The following HSD17B12 variants were observed in gnomAD, a reference collection of about 807,000 sequenced individuals.
The protein encoded by HSD17B12 is hydroxysteroid 17-beta dehydrogenase 12.
HSD17B12 carries 32 observed loss-of-function variants against 39.3 expected under a neutral mutation model. The observed-to-expected ratio is 0.81, with a 90% CI of 0.61 to 1.09. HSD17B12 has a LOEUF of 1.09. HSD17B12 is among the 50% of genes least tolerant of loss of function. The pLI is 0.00. For synonymous variants in HSD17B12, 150 were observed against 146.7 expected, an observed-to-expected ratio of 1.02 and a Z score of -0.16; for missense variants, 342 against 382.9, an observed-to-expected ratio of 0.89 and a Z score of 0.89.
chr11:43,840,739 G>A (rs1481515626), intron 9 of HSD17B12, among the ~76,000 whole-genome samples: 1 of 152,180 alleles, frequency 6.6e-6, no homozygotes, highest in Non-Finnish European at 1.5e-5. Flanking sequence ...AAATGCCATT[G>A]TATATAGACC....
At chr11:43,750,009 G>C (rs1473980527) in intron 1 of HSD17B12, among the ~76,000 whole-genome samples, 2 of 152,054 alleles carry the variant, frequency 1.3e-5, no homozygotes. Context: ...TAAAGTTTTT[G>C]AGGTTGTAAG....
intron 3 of HSD17B12, among the ~76,000 whole-genome samples, chr11:43,772,914 C>T (rs564750697): frequency 6.6e-6 from 1 of 152,070 alleles, no homozygotes; most frequent in Non-Finnish European, 1.5e-5. Context: ...CGTTTGAGAC[C>T]AGCCTGGGCA....
chr11:43,855,120 A>C (rs1554973728), intron 10 of HSD17B12, 24 bp from the exon 11 acceptor site: 16 of 1,432,706 alleles, frequency 1.1e-5, no homozygotes, highest in African/African-American at 1.4e-5. Flanking sequence ...ATAATTACAT[A>C]TCTCTCTCAT....
chr11:43,643,573 A>C, the HSD17B12 span, among the ~76,000 whole-genome samples: 30 of 152,304 alleles, frequency 2.0e-4, no homozygotes, highest in East Asian at 5.6e-3. Flanking sequence ...AGGGAAACCA[A>C]AGTATATTGA....
At chr11:43,583,223 G>A in the HSD17B12 span, among the ~76,000 whole-genome samples, 1 of 152,234 alleles carries the variant, frequency 6.6e-6, no homozygotes, top group Non-Finnish European at 1.5e-5. Context: ...GCGGCTCAGG[G>A]TTATTGCGAC....
intron 9 of HSD17B12, among the ~76,000 whole-genome samples, chr11:43,841,482 A>G (rs1951425391): frequency 6.6e-6 from 1 of 152,168 alleles, no homozygotes; most frequent in Non-Finnish European, 1.5e-5. Flanking sequence ...AGTGTCATGA[A>G]GCTTTTCCCC....
At chr11:43,735,707 A>G (rs1950310126) in intron 1 of HSD17B12, among the ~76,000 whole-genome samples, 1 of 152,166 alleles carries the variant, frequency 6.6e-6, no homozygotes, top group South Asian at 2.1e-4. Flanking sequence ...TTGTTGTATT[A>G]GTATGTTTTC....
intron 3 of HSD17B12, among the ~76,000 whole-genome samples, chr11:43,792,310 CAT>C (rs1950875043): frequency 1.3e-5 from 2 of 152,256 alleles, no homozygotes; most frequent in Admixed American, 1.3e-4. Flanking sequence ...TACTGTAAAA[CAT>C]AATTTTAGTG....
At chr11:43,815,774 TTTG>T (rs1239064686) in intron 5 of HSD17B12, among the ~76,000 whole-genome samples, 3 of 152,170 alleles carry the variant, frequency 2.0e-5, no homozygotes, top group African/African-American at 7.2e-5. Context: ...TAGCTCTAGT[TTTG>T]TTATTACTCT....
At chr11:43,577,867 A>C in the HSD17B12 span, among the ~76,000 whole-genome samples, 1 of 152,142 alleles carries the variant, frequency 6.6e-6, no homozygotes, top group Non-Finnish European at 1.5e-5. Flanking sequence ...ATTGGGGAGG[A>C]GGTGTTCTCT....
chr11:43,763,585 CTTAT>C (rs1422579267), intron 3 of HSD17B12, among the ~76,000 whole-genome samples: 1 of 134,116 alleles, frequency 7.5e-6, no homozygotes, highest in African/African-American at 2.8e-5. Flanking sequence ...ATTTTATACC[CTTAT>C]ATATATATAT....
the HSD17B12 span, among the ~76,000 whole-genome samples, chr11:43,672,820 C>T: frequency 6.6e-6 from 1 of 152,206 alleles, no homozygotes; most frequent in Non-Finnish European, 1.5e-5. Context: ...GGATTACAGG[C>T]GTGAGTCGCC....
chr11:43,758,518 A>G (rs1262419224), intron 3 of HSD17B12, among the ~76,000 whole-genome samples: 2 of 152,162 alleles, frequency 1.3e-5, no homozygotes, highest in Admixed American at 1.3e-4. Flanking sequence ...AATTCAACTT[A>G]AGTTGTAATT....
intron 1 of HSD17B12, among the ~76,000 whole-genome samples, chr11:43,695,670 A>AGTC (rs1269645743): frequency 8.2e-6 from 1 of 121,224 alleles, no homozygotes; most frequent in Non-Finnish European, 1.8e-5. Flanking sequence ...TGTTCTAATT[A>AGTC]GTCTTCTTCT....
At chr11:43,833,064 A>C (rs554765713) in intron 7 of HSD17B12, 1 of 152,226 alleles carries the variant, frequency 6.6e-6, no homozygotes, top group Non-Finnish European at 1.5e-5. Flanking sequence ...AGGAAAGATC[A>C]AGTTGATTTT....
At chr11:43,677,216 C>T (rs1949700460), upstream of HSD17B12, among the ~76,000 whole-genome samples, 1 of 152,096 alleles carries the variant, frequency 6.6e-6, no homozygotes, top group South Asian at 2.1e-4. Flanking sequence ...CAAATTGAAT[C>T]TTATCAAACT....
At chr11:43,805,462 G>A (rs1313898812) in intron 4 of HSD17B12, among the ~76,000 whole-genome samples, 2 of 152,118 alleles carry the variant, frequency 1.3e-5, no homozygotes, top group Non-Finnish European at 2.9e-5. Flanking sequence ...ATGGAGACAC[G>A]CAGAAGGACA....
intron 6 of HSD17B12, among the ~76,000 whole-genome samples, chr11:43,825,637 A>G (rs999083493): frequency 2.0e-5 from 3 of 152,216 alleles, no homozygotes; most frequent in Non-Finnish European, 4.4e-5. Context: ...AGGCATTCCA[A>G]GTTAATAGCT....
intron 3 of HSD17B12, among the ~76,000 whole-genome samples, chr11:43,796,948 T>G (rs1326229844): frequency 6.6e-6 from 1 of 152,176 alleles, no homozygotes; most frequent in Non-Finnish European, 1.5e-5. Flanking sequence ...GGACCAGCTA[T>G]TGTGAAATTA....
Sources: allele counts gnomAD v4.1 joint callset (sites outside exome capture counted in the v4.1 genomes callset), GRCh38; gene constraint gnomAD v4.1.1; transcripts MANE v1.5; gene names NCBI Gene and HGNC (gene_info 2026-07-23, HGNC 2026-07-21).